Variants in SPIN1 observed in about 807,000 individuals in gnomAD.
SPIN1 encodes spindlin-1.
Under a neutral mutation model 26.0 loss-of-function variants are expected in SPIN1, and 3 were observed. The observed-to-expected ratio is 0.12, with a 90% CI of 0.05 to 0.30. The LOEUF (loss-of-function observed/expected upper bound fraction) is 0.30, where lower values mean the gene tolerates loss of function less well. Ranked by LOEUF, SPIN1 falls within the 10% of genes least tolerant of loss-of-function variation. The probability of loss-of-function intolerance (pLI) is 1.00; values close to 1 mark genes in which losing one functional copy is unlikely to be tolerated. For synonymous variants in SPIN1, 101 were observed against 116.5 expected (o/e 0.87, Z 0.86); for missense variants, 126 against 333.4 (o/e 0.38, Z 4.84).
chr9:88,411,477 A>G (rs1390648916), intron 1 of SPIN1: 37 of 1,038,830 alleles, frequency 3.6e-5, no homozygotes, highest in Middle Eastern at 3.1e-4. Flanking sequence ...GGCATGGAGA[A>G]GAGAGACTTT....
At chr9:88,411,005 A>C in intron 1 of SPIN1, 1 of 1,559,000 alleles carries the variant, frequency 6.4e-7, no homozygotes, top group Non-Finnish European at 8.7e-7. Flanking sequence ...GTGGTCGTCA[A>C]AGGTTACAAA....
intron 3 of SPIN1, among the ~76,000 whole-genome samples, chr9:88,462,024 C>T (rs367717930): frequency 3.9e-5 from 6 of 152,106 alleles, no homozygotes; most frequent in South Asian, 4.2e-4. Context: ...TATTTGGGCA[C>T]GGGAATGGGT....
rs57244433 is a variant in SPIN1, at chr9:88,393,445, GTTTTTTTTTTT to G, written c.-159+4925_-159+4935del. 6.3e-3 allele frequency among the ~76,000 whole-genome samples: 553 copies of G among 88,438 alleles called. 3 individuals carry two copies. Among genetic ancestry groups the G allele is most frequent in the African/African-American group, 0.029 (518 of 17,920 alleles). The allele number at this position is 88,438 out of a possible 152,430, so 58.0% of individuals were successfully genotyped here. A position where few individuals can be genotyped will look rare whatever the true frequency, so the allele number is the denominator to read the frequency against. On this transcript the variant is annotated intron_variant, in intron 1 of 5. Transcript: ENST00000375859. The stretch of plus-strand genomic sequence containing the variant: ...AGAATGTCCTTTTTCTTGCTTTTGG[GTTTTTTTTTTT>G]TTTTTTTTTTTTTTTTTGAGACGGA...
At chr9:88,440,840 A>G (rs1048712782) in intron 2 of SPIN1, among the ~76,000 whole-genome samples, 4 of 151,370 alleles carry the variant, frequency 2.6e-5, no homozygotes, top group Non-Finnish European at 4.4e-5. Context: ...TGGCCTCCCA[A>G]AGTGCTGGGA....
At chr9:88,466,524 G>C (rs1327849179) in intron 4 of SPIN1, among the ~76,000 whole-genome samples, 1 of 152,148 alleles carries the variant, frequency 6.6e-6, no homozygotes. Flanking sequence ...TAAGAAACTA[G>C]TGGGGTTTTT....
At chr9:88,391,026 A>C (rs1316179125) in intron 1 of SPIN1, among the ~76,000 whole-genome samples, 1 of 152,108 alleles carries the variant, frequency 6.6e-6, no homozygotes, top group Non-Finnish European at 1.5e-5. Context: ...TTTTCTTTAT[A>C]TTCTTGCCCC....
At chr9:88,414,489 A>C (rs1039434630) in intron 1 of SPIN1, among the ~76,000 whole-genome samples, 3 of 152,226 alleles carry the variant, frequency 2.0e-5, no homozygotes, top group African/African-American at 7.2e-5. Flanking sequence ...GTTATACCAC[A>C]GTCAGCAATT....
intron 4 of SPIN1, among the ~76,000 whole-genome samples, chr9:88,466,282 C>T (rs1451752437): frequency 2.0e-5 from 3 of 152,142 alleles, no homozygotes; most frequent in Non-Finnish European, 4.4e-5. Context: ...CCTCAGTCTC[C>T]TGAGTTGCTG....
intron 1 of SPIN1, among the ~76,000 whole-genome samples, chr9:88,409,563 C>A (rs1255846554): frequency 6.6e-6 from 1 of 151,642 alleles, no homozygotes; most frequent in Admixed American, 6.6e-5. Flanking sequence ...CGGCCAGGTG[C>A]GGTGGCTCAT....
At position 88,436,089 on chromosome 9, in the gene SPIN1, G is replaced by GTTTTCTAGCCCAGTTTTGTTTGTTT. The variant is rs542630626; in HGVS notation, c.52+9500_52+9524dup. ...GACAATATTACTCTCTTGTCTTACT[G>GTTTTCTAGCCCAGTTTTGTTTGTTT]TTTTCTAGCCCAGTTTTGTTTGTTT... On this transcript the variant is annotated intron_variant, in intron 2 of 5. Transcript: ENST00000375859. 1.2e-3 allele frequency among the ~76,000 whole-genome samples: 184 copies of GTTTTCTAGCCCAGTTTTGTTTGTTT among 152,174 alleles called. 5 individuals are homozygous for GTTTTCTAGCCCAGTTTTGTTTGTTT. The South Asian group carries it at 0.035, about 29-fold the overall frequency.
chr9:88,478,144 G>A lies in SPIN1; in HGVS notation c.*2867G>A, dbSNP rs1174136380. 1 of 152,346 alleles carries A rather than the reference G, an allele frequency of 6.6e-6. No homozygotes were observed. Among genetic ancestry groups the A allele is most frequent in the East Asian group, 1.9e-4 (1 of 5,198 alleles). The allele number at this position is 152,346 out of a possible 1,614,324, so 9.4% of individuals were successfully genotyped here. A position where few individuals can be genotyped will look rare whatever the true frequency, so the allele number is the denominator to read the frequency against. On this transcript the variant is annotated 3_prime_UTR_variant, in exon 6 of 6. Transcript: ENST00000375859. ...ATGTCATGCAGCATTTGAAGGGACT[G>A]TGTTTTCTTAAAAAAAAATCACAGT...
At chr9:88,427,659 G>A (rs577569722) in intron 2 of SPIN1, among the ~76,000 whole-genome samples, 6 of 146,212 alleles carry the variant, frequency 4.1e-5, no homozygotes, top group African/African-American at 1.5e-4. Flanking sequence ...AGGCGATCTT[G>A]GCTCCAGGTG....
chr9:88,426,193 A>G (rs1299906257), intron 1 of SPIN1, among the ~76,000 whole-genome samples, 189 bp from the exon 2 acceptor site: 7 of 152,154 alleles, frequency 4.6e-5, no homozygotes, highest in Admixed American at 2.0e-4. Flanking sequence ...TAAAGAGTCT[A>G]TCACCTCTTT....
Position 88,475,188 on chromosome 9 carries a change from C to A in SPIN1, c.700C>A (p.His234Asn). 6.2e-7 allele frequency: 1 copy of A among 1,613,332 alleles called. No individual in the cohort carries two copies. Among genetic ancestry groups the A allele is most frequent in the Non-Finnish European group, 8.5e-7 (1 of 1,179,848 alleles). ...CTCGAAAAGGACTGGCATGGTCATTCATCAAGTAGAAGCCAAGCCCTCCGT... is the reference window on the plus strand; with the variant it reads ...CTCGAAAAGGACTGGCATGGTCATTAATCAAGTAGAAGCCAAGCCCTCCGT... Reference protein sequence around the residue: ...DGSKRTGMVIHQVEAKPSVYF... With the variant: ...DGSKRTGMVINQVEAKPSVYF... The change falls in exon 6 of 6, where the codon CAT becomes AAT. Residue 234 changes from histidine (H) to asparagine (N), a missense_variant. Coordinates refer to ENST00000375859, the MANE Select transcript of SPIN1 (RefSeq NM_006717.3).
At chr9:88,444,672 A>G (rs1012539481) in intron 2 of SPIN1, among the ~76,000 whole-genome samples, 3 of 149,396 alleles carry the variant, frequency 2.0e-5, no homozygotes, top group African/African-American at 7.4e-5. Flanking sequence ...TTGATGATGA[A>G]TGGTTTACCT....
intron 2 of SPIN1, among the ~76,000 whole-genome samples, chr9:88,433,908 T>G (rs1033934792): frequency 9.9e-5 from 15 of 152,094 alleles, no homozygotes; most frequent in Non-Finnish European, 1.6e-4. Flanking sequence ...TTTGTTTTTT[T>G]TTTTCTCATC....
intron 2 of SPIN1, among the ~76,000 whole-genome samples, chr9:88,442,725 AATATG>A (rs1253868954): frequency 1.3e-5 from 2 of 151,802 alleles, no homozygotes; most frequent in Non-Finnish European, 2.9e-5. Context: ...CTACAGTTTG[AATATG>A]ATACTCTTTG....
intron 1 of SPIN1, among the ~76,000 whole-genome samples, chr9:88,417,187 T>C (rs1250635166): frequency 6.6e-6 from 1 of 152,248 alleles, no homozygotes; most frequent in Non-Finnish European, 1.5e-5. Flanking sequence ...TTTAGCTATA[T>C]GTTTTTTTCG....
At chr9:88,459,992 T>C (rs1027915510) in intron 3 of SPIN1, among the ~76,000 whole-genome samples, 9 of 152,234 alleles carry the variant, frequency 5.9e-5, no homozygotes, top group African/African-American at 2.2e-4. Flanking sequence ...ATTTGGTCCT[T>C]TTGTGTAAAT....
Sources: allele counts gnomAD v4.1 joint callset (sites outside exome capture counted in the v4.1 genomes callset), GRCh38; gene constraint gnomAD v4.1.1; transcripts MANE v1.5; gene names NCBI Gene and HGNC (gene_info 2026-07-23, HGNC 2026-07-21).